Variants in GNAQ observed in about 807,000 individuals in gnomAD.
GNAQ encodes guanine nucleotide-binding protein G(q) subunit alpha.
A neutral mutation model predicts 43.9 loss-of-function variants in GNAQ; 8 were observed. That is an observed-to-expected ratio of 0.18 (90% CI 0.11 to 0.33). GNAQ has a LOEUF of 0.33. Ranked by LOEUF, GNAQ falls within the 10% of genes least tolerant of loss-of-function variation. The pLI is 1.00. For missense variants in GNAQ, 158 were observed against 450.8 expected (o/e 0.35, Z 5.88); for synonymous variants, 155 against 170.7 (o/e 0.91, Z 0.71).
At chr9:77,823,514 A>G (rs577314956) in intron 2 of GNAQ, among the ~76,000 whole-genome samples, 1 of 152,284 alleles carries the variant, frequency 6.6e-6, no homozygotes, top group East Asian at 1.9e-4. Flanking sequence ...TCACACTGCT[A>G]TAAAGAACTA....
chr9:77,967,297 G>A (rs966427232), intron 1 of GNAQ, among the ~76,000 whole-genome samples: 2 of 152,076 alleles, frequency 1.3e-5, no homozygotes, highest in Non-Finnish European at 2.9e-5. Flanking sequence ...TGGCCACTCC[G>A]TGCTTTTAAC....
At chr9:78,014,417 C>A (rs1307255827) in intron 1 of GNAQ, among the ~76,000 whole-genome samples, 1 of 152,100 alleles carries the variant, frequency 6.6e-6, no homozygotes, top group South Asian at 2.1e-4. Context: ...GAGACCAGCC[C>A]GACCAACATG....
intron 2 of GNAQ, among the ~76,000 whole-genome samples, chr9:77,847,188 C>T (rs1455440984): frequency 6.6e-6 from 1 of 152,204 alleles, no homozygotes; most frequent in African/African-American, 2.4e-5. Context: ...AGAAACATCT[C>T]TCGCTCAGCC....
At chr9:77,822,357 C>T (rs1178384447) in intron 2 of GNAQ, among the ~76,000 whole-genome samples, 7 of 152,102 alleles carry the variant, frequency 4.6e-5, no homozygotes, top group Non-Finnish European at 8.8e-5. Flanking sequence ...AGGTAAATGC[C>T]TGCTTTATAG....
intron 2 of GNAQ, among the ~76,000 whole-genome samples, chr9:77,868,744 G>A (rs1827988692): frequency 6.6e-6 from 1 of 152,182 alleles, no homozygotes; most frequent in Non-Finnish European, 1.5e-5. Flanking sequence ...GCGGTGAGCC[G>A]AGATCGGGCC....
At chr9:77,828,125 G>A (rs149217374) in intron 2 of GNAQ, among the ~76,000 whole-genome samples, 177 of 144,762 alleles carry the variant, frequency 1.2e-3, no homozygotes, top group Non-Finnish European at 2.1e-3. Context: ...CTGGTATGGT[G>A]GTATGAGGTG....
intron 1 of GNAQ, among the ~76,000 whole-genome samples, chr9:77,997,806 CACT>C (rs1295383081): frequency 6.6e-6 from 1 of 152,164 alleles, no homozygotes; most frequent in Non-Finnish European, 1.5e-5. Context: ...CCCTAGGCAC[CACT>C]GTGTCTCGTC....
chr9:78,029,355 T>C (rs138576716), intron 1 of GNAQ, among the ~76,000 whole-genome samples: 1 of 145,204 alleles, frequency 6.9e-6, no homozygotes, highest in Non-Finnish European at 1.5e-5. Context: ...CCCTTAATTA[T>C]ACACTTAAAA....
rs72279886 is a variant in GNAQ, at chr9:77,984,049, CAAAAA to C, written c.136+47046_136+47050del. Among the ~76,000 whole-genome samples, 254 of 67,954 alleles carry C rather than the reference CAAAAA, an allele frequency of 3.7e-3. 4 individuals are homozygous for C. Among genetic ancestry groups the C allele is most frequent in the African/African-American group, 0.013 (233 of 17,972 alleles). 44.6% of individuals were successfully genotyped at this position (67,954 alleles called of 152,430 possible). Reference sequence around the variant, plus strand: ...CATATGCAAGTAGAATTTTGGAGAGCAAAAAAAAAAAAAAAAAAAAAAAAAAATCA... The same window carrying C: ...CATATGCAAGTAGAATTTTGGAGAGCAAAAAAAAAAAAAAAAAAAAAATCA... On this transcript the variant is annotated intron_variant, in intron 1 of 6. Coordinates refer to ENST00000286548, the MANE Select transcript of GNAQ (RefSeq NM_002072.5).
chr9:77,973,014 G>GAAAAAAAAAA (rs10541482), intron 1 of GNAQ, among the ~76,000 whole-genome samples: 4 of 114,692 alleles, frequency 3.5e-5, no homozygotes, highest in Admixed American at 9.1e-5. Flanking sequence ...AAAAAGAAAG[G>GAAAAAAAAAA]AAAAAAAAAA....
chr9:77,848,220 A>G (rs1325222848), intron 2 of GNAQ, among the ~76,000 whole-genome samples: 2 of 152,160 alleles, frequency 1.3e-5, no homozygotes, highest in African/African-American at 2.4e-5. Context: ...CAGAGCTTTC[A>G]CATCTATTAA....
chr9:77,982,546 GATAC>G (rs983210662), intron 1 of GNAQ, among the ~76,000 whole-genome samples: 9 of 152,024 alleles, frequency 5.9e-5, no homozygotes, highest in Non-Finnish European at 1.2e-4. Flanking sequence ...TTAGAAGTAT[GATAC>G]AAACAAACAT....
chr9:78,004,883 G>A (rs1298707131), intron 1 of GNAQ, among the ~76,000 whole-genome samples: 1 of 151,924 alleles, frequency 6.6e-6, no homozygotes, highest in African/African-American at 2.4e-5. Context: ...AAGGAAAAGG[G>A]TTAGTGTCCT....
chr9:77,874,635 C>G (rs1303194310), intron 2 of GNAQ, among the ~76,000 whole-genome samples: 1 of 151,682 alleles, frequency 6.6e-6, no homozygotes, highest in East Asian at 1.9e-4. Context: ...AATTTTTTTT[C>G]TTTTTCTGAG....
At chr9:77,921,524 C>T (rs746084469) in intron 2 of GNAQ, among the ~76,000 whole-genome samples, 2 of 152,184 alleles carry the variant, frequency 1.3e-5, no homozygotes, top group African/African-American at 4.8e-5. Flanking sequence ...CTAGAGGATA[C>T]TGGAAGTGTG....
At chr9:78,007,050 G>C (rs970108785) in intron 1 of GNAQ, among the ~76,000 whole-genome samples, 2 of 152,124 alleles carry the variant, frequency 1.3e-5, no homozygotes, top group Non-Finnish European at 2.9e-5. Context: ...TCTGATGACT[G>C]GTTCTACATT....
intron 5 of GNAQ, among the ~76,000 whole-genome samples, chr9:77,732,688 A>G (rs1348712862): frequency 6.6e-6 from 1 of 152,096 alleles, no homozygotes; most frequent in Admixed American, 6.5e-5. Context: ...AGGTTTTACT[A>G]CCCCTAACAC....
At chr9:77,924,428 A>C (rs1464345740) in intron 1 of GNAQ, among the ~76,000 whole-genome samples, 1 of 152,218 alleles carries the variant, frequency 6.6e-6, no homozygotes, top group East Asian at 1.9e-4. Context: ...TGAAGGCCCA[A>C]GTGTAAACAA....
intron 2 of GNAQ, among the ~76,000 whole-genome samples, chr9:77,909,107 G>A (rs1232468074): frequency 6.6e-6 from 1 of 152,112 alleles, no homozygotes; most frequent in Non-Finnish European, 1.5e-5. Context: ...CCCTTCCTCT[G>A]GGCCACCATT....
Sources: gnomAD v4.1 joint callset for allele counts (sites outside exome capture counted in the v4.1 genomes callset) on GRCh38, gnomAD v4.1.1 for gene constraint, MANE v1.5 for transcripts, NCBI Gene and HGNC (gene_info 2026-07-23, HGNC 2026-07-21) for gene names.